PCED1B: variants seen among roughly 807,000 people sequenced by gnomAD.
PCED1B encodes PC-esterase domain containing 1B, also known as PC-esterase domain-containing protein 1B.
For synonymous variants in PCED1B, 251 were observed against 246.1 expected (o/e 1.02, Z -0.19); for missense variants, 573 against 573.9 (o/e 1.00, Z 0.02).
At chr12:47,122,820 A>G (rs1001645834) in intron 2 of PCED1B, among the ~76,000 whole-genome samples, 5 of 152,190 alleles carry the variant, frequency 3.3e-5, no homozygotes, top group South Asian at 2.1e-4. Context: ...AAATCTGTTC[A>G]ATGATTAGAT....
chr12:47,088,325 G>A (rs1007359049), intron 1 of PCED1B, among the ~76,000 whole-genome samples: 2 of 152,098 alleles, frequency 1.3e-5, no homozygotes, highest in African/African-American at 4.8e-5. Context: ...TGGCTCCCCC[G>A]AGCCTGGCTG....
intron 2 of PCED1B, among the ~76,000 whole-genome samples, chr12:47,161,486 A>C (rs1941376405): frequency 6.6e-6 from 1 of 152,180 alleles, no homozygotes; most frequent in Non-Finnish European, 1.5e-5. Flanking sequence ...CTGTATAGTA[A>C]GTTTTGAAAT....
At chr12:47,211,679 TG>T (rs1417609151) in intron 2 of PCED1B, among the ~76,000 whole-genome samples, 1 of 108,648 alleles carries the variant, frequency 9.2e-6, no homozygotes, top group Non-Finnish European at 1.9e-5. Context: ...AAAAAAAAAC[TG>T]GGCGCAGTGG....
At chr12:47,082,429 A>C (rs561573276) in intron 1 of PCED1B, among the ~76,000 whole-genome samples, 1 of 152,206 alleles carries the variant, frequency 6.6e-6, no homozygotes, top group East Asian at 1.9e-4. Flanking sequence ...TGTAAATGTT[A>C]TTTGAGTCCT....
chr12:47,121,628 A>G (rs1939681612), intron 2 of PCED1B, among the ~76,000 whole-genome samples: 1 of 152,192 alleles, frequency 6.6e-6, no homozygotes, highest in Admixed American at 6.5e-5. Flanking sequence ...ATGTTGACTT[A>G]AGTTGGCTGC....
At chr12:47,171,857 TCTTCTTCTC>T (rs2137555046) in intron 2 of PCED1B, among the ~76,000 whole-genome samples, 1 of 151,714 alleles carries the variant, frequency 6.6e-6, no homozygotes, top group East Asian at 1.9e-4. Flanking sequence ...TCTTTCTTCT[TCTTCTTCTC>T]CTTCTTCTTC....
chr12:47,104,089 A>G (rs1938838871), intron 1 of PCED1B, 24 bp from the exon 2 acceptor site: 1 of 152,218 alleles, frequency 6.6e-6, no homozygotes, highest in Admixed American at 6.5e-5. Flanking sequence ...ATGAATAATT[A>G]AACATGCCAT....
intron 2 of PCED1B, among the ~76,000 whole-genome samples, chr12:47,132,788 C>A (rs1289600006): frequency 1.3e-5 from 2 of 152,160 alleles, no homozygotes; most frequent in African/African-American, 4.8e-5. Context: ...AGAGTAATGT[C>A]CCCTAAATAT....
rs148877669 is a variant in PCED1B, at chr12:47,130,280, A to G, written c.-526+26085A>G. 7.9e-5 allele frequency among the ~76,000 whole-genome samples: 12 copies of G among 152,326 alleles called. No homozygotes were observed. The East Asian group carries it at 2.1e-3, about 27-fold the overall frequency. On this transcript the variant is annotated intron_variant, in intron 2 of 3. Coordinates refer to ENST00000546455, the MANE Select transcript of PCED1B (RefSeq NM_138371.3). ...GTAAAACAAAAAAAGGGTAGGGTAG[A>G]TAGGAAAATTGAAATTGGTTATTTC... is the stretch of plus-strand genomic sequence containing the variant.
chr12:47,148,083 A>G (rs1189666869), intron 2 of PCED1B, among the ~76,000 whole-genome samples: 3 of 152,198 alleles, frequency 2.0e-5, no homozygotes, highest in Non-Finnish European at 4.4e-5. Flanking sequence ...CCTTCATGCT[A>G]TGCCATCGCA....
chr12:47,083,836 G>T (rs1281023778), intron 1 of PCED1B, among the ~76,000 whole-genome samples: 1 of 151,994 alleles, frequency 6.6e-6, no homozygotes, highest in African/African-American at 2.4e-5. Flanking sequence ...CTCACAATGG[G>T]GCTACTCTTT....
intron 2 of PCED1B, among the ~76,000 whole-genome samples, chr12:47,156,992 C>A (rs1941214122): frequency 6.6e-6 from 1 of 152,066 alleles, no homozygotes; most frequent in Non-Finnish European, 1.5e-5. Flanking sequence ...CTAATGAGTT[C>A]TCAATAAATA....
chr12:47,131,170 G>A (rs537992630), intron 2 of PCED1B, among the ~76,000 whole-genome samples: 2 of 152,248 alleles, frequency 1.3e-5, no homozygotes, highest in East Asian at 3.9e-4. Context: ...CTTAAAAGGT[G>A]ATTCATCCAA....
At chr12:47,199,773 A>G (rs1190654795) in intron 2 of PCED1B, among the ~76,000 whole-genome samples, 1 of 152,234 alleles carries the variant, frequency 6.6e-6, no homozygotes, top group Non-Finnish European at 1.5e-5. Flanking sequence ...CAAAACTTCT[A>G]GAAGATAACA....
At chr12:47,177,661 T>C (rs1941967143) in intron 2 of PCED1B, among the ~76,000 whole-genome samples, 1 of 152,072 alleles carries the variant, frequency 6.6e-6, no homozygotes, top group Non-Finnish European at 1.5e-5. Flanking sequence ...AAAAGAATGT[T>C]TGAGGTTCTG....
chr12:47,234,000 T>C (rs549691524), intron 3 of PCED1B, among the ~76,000 whole-genome samples: 1 of 152,352 alleles, frequency 6.6e-6, no homozygotes, highest in East Asian at 1.9e-4. Flanking sequence ...TGTTTTTGTT[T>C]GTTTTCTGAG....
chr12:47,094,703 C>T (rs1398137705), intron 1 of PCED1B, among the ~76,000 whole-genome samples: 2 of 152,000 alleles, frequency 1.3e-5, no homozygotes, highest in African/African-American at 4.8e-5. Flanking sequence ...AATGATTTAT[C>T]CCTCCTGATT....
Position 47,236,061 on chromosome 12 carries a change from T to G in PCED1B, c.998T>G (p.Phe333Cys). 1 of 1,614,038 alleles carries G rather than the reference T, an allele frequency of 6.2e-7. No individual in the cohort carries two copies. The highest frequency in any genetic ancestry group is 1.1e-5 in the South Asian group (1 of 91,076). ...PILHHQGMPR[F>C]PQGPPDACFS... is the part of the protein sequence containing the mutation. ...CTCCATCACCAGGGAATGCCCCGGT[T>G]CCCACAGGGTCCCCCAGATGCCTGT... The change falls in exon 4 of 4, where the codon TTC (phenylalanine) becomes TGC (cysteine). Residue 333 changes from phenylalanine to cysteine, a missense_variant. Coordinates refer to ENST00000546455, the MANE Select transcript of PCED1B (RefSeq NM_138371.3).
At chr12:47,201,923 G>A (rs576744317) in intron 2 of PCED1B, among the ~76,000 whole-genome samples, 3 of 152,142 alleles carry the variant, frequency 2.0e-5, no homozygotes, top group Non-Finnish European at 4.4e-5. Flanking sequence ...TTTTAAGTTT[G>A]TCTTTGAGGA....
Sources: allele counts gnomAD v4.1 joint callset (sites outside exome capture counted in the v4.1 genomes callset), GRCh38; gene constraint gnomAD v4.1.1; transcripts MANE v1.5; gene names NCBI Gene and HGNC (gene_info 2026-07-23, HGNC 2026-07-21).